RBFOX1: variants seen among roughly 807,000 people sequenced by gnomAD.
The protein encoded by RBFOX1 is RNA binding fox-1 homolog 1.
In RBFOX1, 8 loss-of-function variants were observed where a neutral mutation model predicts 57.7. The observed-to-expected ratio is 0.14, with a 90% confidence interval of 0.08 to 0.25. The LOEUF is 0.25. Ranked by LOEUF, RBFOX1 falls within the 10% of genes least tolerant of loss-of-function variation. The probability of loss-of-function intolerance (pLI) is 1.00; values close to 1 mark genes in which losing one functional copy is unlikely to be tolerated. For missense variants in RBFOX1, 611 were observed against 548.5 expected (o/e 1.11, Z -1.14); for synonymous variants, 326 against 222.4 (o/e 1.47, Z -4.15).
chr16:6,067,757 T>G (rs1446942356), intron 1 of RBFOX1, among the ~76,000 whole-genome samples: 2 of 152,154 alleles, frequency 1.3e-5, no homozygotes, highest in African/African-American at 4.8e-5. Flanking sequence ...AAAAAATATA[T>G]AAAAAGCTCA....
intron 1 of RBFOX1, among the ~76,000 whole-genome samples, chr16:5,424,978 C>G (rs2067494303): frequency 8.2e-5 from 3 of 36,708 alleles, no homozygotes; most frequent in Admixed American, 3.5e-4. Context: ...TTCTTTCTTT[C>G]TTTTCTTTTC....
At chr16:7,256,419 A>C (rs2094685926) in intron 4 of RBFOX1, among the ~76,000 whole-genome samples, 1 of 152,188 alleles carries the variant, frequency 6.6e-6, no homozygotes, top group Non-Finnish European at 1.5e-5. Flanking sequence ...TCATGGGAGA[A>C]GCCTACACTA....
At chr16:5,599,505 A>G (rs1399135739) in exon 3 of RBFOX1, 2 of 442,716 alleles carry the variant, frequency 4.5e-6, no homozygotes, top group Non-Finnish European at 4.0e-6. Flanking sequence ...CTGCACAGAT[A>G]CTTCTGAAAT....
intron 2 of RBFOX1, among the ~76,000 whole-genome samples, chr16:6,405,982 G>T (rs940434740): frequency 1.1e-4 from 17 of 152,210 alleles, no homozygotes; most frequent in African/African-American, 3.9e-4. Context: ...CTCACATACT[G>T]TGTGCAGGAA....
At chr16:7,256,343 C>T (rs1182870536) in intron 4 of RBFOX1, among the ~76,000 whole-genome samples, 1 of 152,152 alleles carries the variant, frequency 6.6e-6, no homozygotes, top group African/African-American at 2.4e-5. Context: ...GCCACCATTC[C>T]TACCAGAAGT....
intron 1 of RBFOX1, among the ~76,000 whole-genome samples, chr16:6,303,873 G>C (rs1005148662): frequency 7.1e-6 from 1 of 141,686 alleles, no homozygotes; most frequent in African/African-American, 2.6e-5. Flanking sequence ...GTGCAATGGC[G>C]CTATCTCAGC....
chr16:6,340,092 G>A (rs2084330901), intron 2 of RBFOX1, among the ~76,000 whole-genome samples: 1 of 152,132 alleles, frequency 6.6e-6, no homozygotes, highest in Admixed American at 6.6e-5. Context: ...AGAAGGAAGT[G>A]GAACAAAGTG....
At chr16:6,335,797 A>AAAAAAAAAAGAAAAAGAAAAG (rs1555630917) in intron 2 of RBFOX1, among the ~76,000 whole-genome samples, 4 of 149,746 alleles carry the variant, frequency 2.7e-5, no homozygotes, top group African/African-American at 1.0e-4. Flanking sequence ...AAAAGAAAAA[A>AAAAAAAAAAGAAAAAGAAAAG]AAAAGAAAAG....
intron 2 of RBFOX1, among the ~76,000 whole-genome samples, chr16:5,575,194 T>A (rs927244285): frequency 2.0e-5 from 3 of 152,320 alleles, no homozygotes; most frequent in African/African-American, 7.2e-5. Context: ...TAACTTGCTG[T>A]CTCTGAATAG....
chr16:6,555,608 G>A (rs1226388118), intron 2 of RBFOX1, among the ~76,000 whole-genome samples: 4 of 152,098 alleles, frequency 2.6e-5, no homozygotes, highest in African/African-American at 9.7e-5. Context: ...GCTGAGGCAG[G>A]AGAATGGCGT....
intron 1 of RBFOX1, among the ~76,000 whole-genome samples, chr16:5,376,439 C>T (rs2065985413): frequency 1.3e-5 from 2 of 151,906 alleles, no homozygotes; most frequent in South Asian, 2.1e-4. Context: ...GGGGAAGGAG[C>T]GGTGGGTGGG....
chr16:6,193,325 C>T (rs66819619), intron 1 of RBFOX1, among the ~76,000 whole-genome samples: 12,306 of 123,506 alleles, frequency 0.1, 694 homozygotes, highest in East Asian at 0.26. Flanking sequence ...TGACACAGCC[C>T]CAGTGTCCAT....
chr16:6,896,747 A>G (rs1294579204), intron 3 of RBFOX1, among the ~76,000 whole-genome samples: 3 of 152,180 alleles, frequency 2.0e-5, no homozygotes, highest in Non-Finnish European at 2.9e-5. Flanking sequence ...AGGTCTGTGG[A>G]TTGCTCCCAA....
At chr16:5,303,008 C>T (rs555534223) in intron 1 of RBFOX1, among the ~76,000 whole-genome samples, 11 of 152,280 alleles carry the variant, frequency 7.2e-5, no homozygotes, top group East Asian at 5.8e-4. Context: ...TTTGTTCTTC[C>T]GTTTCTCTTT....
At chr16:6,884,766 C>G (rs1038102148) in intron 3 of RBFOX1, among the ~76,000 whole-genome samples, 45 of 152,146 alleles carry the variant, frequency 3.0e-4, no homozygotes, top group African/African-American at 1.0e-3. Context: ...GGTGTGATGG[C>G]ACATACCTGC....
intron 3 of RBFOX1, among the ~76,000 whole-genome samples, chr16:5,624,204 A>T (rs569435497): frequency 6.6e-6 from 1 of 151,906 alleles, no homozygotes; most frequent in Non-Finnish European, 1.5e-5. Context: ...CTACCCAGAG[A>T]CTCTTTTTGA....
At chr16:5,633,181 G>C (rs8046311) in intron 3 of RBFOX1, among the ~76,000 whole-genome samples, 130,377 of 151,938 alleles carry the variant, frequency 0.86, 56,468 homozygotes, top group Non-Finnish European at 0.9. Flanking sequence ...TCGTGATCCA[G>C]CTGCCTCGGC....
intron 3 of RBFOX1, among the ~76,000 whole-genome samples, chr16:6,912,283 T>G (rs966273101): frequency 2.0e-5 from 3 of 152,196 alleles, no homozygotes; most frequent in African/African-American, 4.8e-5. Flanking sequence ...AAGGTTGCTG[T>G]GCTCAGCCCC....
intron 2 of RBFOX1, among the ~76,000 whole-genome samples, chr16:6,577,644 C>T (rs560002009): frequency 6.6e-6 from 1 of 152,284 alleles, no homozygotes; most frequent in African/African-American, 2.4e-5. Flanking sequence ...CTCTTAGGAA[C>T]CCACCATGTC....
Sources: gnomAD v4.1 joint callset for allele counts (sites outside exome capture counted in the v4.1 genomes callset) on GRCh38, gnomAD v4.1.1 for gene constraint, MANE v1.5 for transcripts, NCBI Gene and HGNC (gene_info 2026-07-23, HGNC 2026-07-21) for gene names.